The following TSHR variants were observed in gnomAD, a reference collection of about 807,000 sequenced individuals.
The protein encoded by TSHR is thyroid stimulating hormone receptor.
Under a neutral mutation model 64.1 loss-of-function variants are expected in TSHR, and 51 were observed. The ratio of observed to expected loss-of-function variants is 0.80; its 90% CI spans 0.64 to 1.01. The LOEUF (loss-of-function observed/expected upper bound fraction) is 1.01, where lower values mean the gene tolerates loss of function less well. Ranked by LOEUF, TSHR falls within the 50% of genes least tolerant of loss-of-function variation. The pLI is 0.00. For synonymous variants in TSHR, 361 were observed against 361.9 expected (o/e 1.00, Z 0.03); for missense variants, 877 against 942.8 (o/e 0.93, Z 0.91).
intron 3 of TSHR, among the ~76,000 whole-genome samples, chr14:81,076,028 A>G (rs1463196853): frequency 3.3e-5 from 5 of 152,162 alleles, no homozygotes; most frequent in African/African-American, 1.2e-4. Flanking sequence ...CATCATTCTC[A>G]GTAAACTATC....
intron 1 of TSHR, among the ~76,000 whole-genome samples, chr14:80,965,733 C>T (rs996060055): frequency 1.3e-5 from 2 of 152,236 alleles, no homozygotes; most frequent in Admixed American, 6.5e-5. Flanking sequence ...ACCCTACTTA[C>T]TTGGCTTCAT....
At chr14:81,056,067 G>A (rs1042379363) in intron 1 of TSHR, among the ~76,000 whole-genome samples, 3 of 152,076 alleles carry the variant, frequency 2.0e-5, no homozygotes, top group African/African-American at 7.2e-5. Flanking sequence ...CATGGGAGCA[G>A]GTCTTTCCTG....
chr14:80,968,189 C>CT (rs1887414473), intron 1 of TSHR, among the ~76,000 whole-genome samples: 1 of 152,088 alleles, frequency 6.6e-6, no homozygotes, highest in African/African-American at 2.4e-5. Context: ...CTAGTCAGAG[C>CT]TCATACAGAA....
intron 7 of TSHR, chr14:81,105,034 GTC>G: frequency 1.0e-6 from 1 of 985,334 alleles, no homozygotes; most frequent in Non-Finnish European, 1.2e-6. Context: ...AGCCTTTTGA[GTC>G]TCTTTTAAGC....
chr14:81,120,126 A>T (rs8020489), intron 8 of TSHR, among the ~76,000 whole-genome samples: 9,805 of 148,842 alleles, frequency 0.066, 844 homozygotes, highest in East Asian at 0.23. Flanking sequence ...ACATGTATAC[A>T]TATGTAACTA....
At chr14:81,104,918 T>C in intron 7 of TSHR, 1 of 985,402 alleles carries the variant, frequency 1.0e-6, no homozygotes, top group Non-Finnish European at 1.2e-6. Context: ...GCCATGTCTA[T>C]CTTATTTTTA....
At chr14:81,128,299 A>G (rs1192134752) in intron 8 of TSHR, among the ~76,000 whole-genome samples, 1 of 152,194 alleles carries the variant, frequency 6.6e-6, no homozygotes, top group Non-Finnish European at 1.5e-5. Flanking sequence ...ATTCCTATTT[A>G]ACAAATAAGG....
rs1174635270 is a variant in TSHR, at chr14:81,002,781, CTTTTTTTTTTT to C, written c.170+46947_170+46957del. 1.6e-4 allele frequency among the ~76,000 whole-genome samples: 7 copies of C among 44,324 alleles called. No homozygotes were observed. The Admixed American group carries it at 1.8e-3, about 11-fold the overall frequency. 29.1% of individuals were successfully genotyped at this position (44,324 alleles called of 152,430 possible). A position where few individuals can be genotyped will look rare whatever the true frequency, so the allele number is the denominator to read the frequency against. The stretch of plus-strand genomic sequence containing the variant: ...TCTCTCATTAAGGTCCCTAATGCCT[CTTTTTTTTTTT>C]TTTTTTTTTTTTTTTATCTTTTTTT... On this transcript the variant is annotated intron_variant, in intron 1 of 9. Transcript: ENST00000298171.
intron 1 of TSHR, among the ~76,000 whole-genome samples, chr14:80,963,893 A>G (rs1441230780): frequency 6.6e-6 from 1 of 152,206 alleles, no homozygotes; most frequent in Non-Finnish European, 1.5e-5. Flanking sequence ...CTTGAACCCC[A>G]TTACATCTGT....
intron 1 of TSHR, chr14:81,049,764 A>C (rs902828952): frequency 3.9e-5 from 6 of 152,116 alleles, no homozygotes; most frequent in African/African-American, 1.4e-4. Context: ...CCCCCATGCT[A>C]TTCTTGGTAT....
At chr14:81,070,456 G>A (rs1415715869) in intron 3 of TSHR, among the ~76,000 whole-genome samples, 2 of 151,554 alleles carry the variant, frequency 1.3e-5, no homozygotes, top group African/African-American at 4.8e-5. Context: ...GTGAAACCTT[G>A]TCTCTACTAA....
intron 1 of TSHR, among the ~76,000 whole-genome samples, chr14:81,048,179 C>G (rs1454378540): frequency 2.0e-5 from 3 of 152,118 alleles, no homozygotes; most frequent in African/African-American, 7.2e-5. Context: ...ACTCATCACC[C>G]TACTTCCTTC....
chr14:81,020,865 A>G (rs1292643787), intron 1 of TSHR, among the ~76,000 whole-genome samples: 2 of 152,178 alleles, frequency 1.3e-5, no homozygotes. Context: ...AAAGCTCTGA[A>G]AAGCCTGCTT....
At chr14:81,140,266 G>A (rs1189413914) in intron 9 of TSHR, among the ~76,000 whole-genome samples, 2 of 152,126 alleles carry the variant, frequency 1.3e-5, no homozygotes, top group Middle Eastern at 3.2e-3. Flanking sequence ...CAAACAGTTG[G>A]GTTACCTGAT....
At chr14:81,073,406 A>T (rs1230351387) in intron 3 of TSHR, among the ~76,000 whole-genome samples, 1 of 152,156 alleles carries the variant, frequency 6.6e-6, no homozygotes, top group African/African-American at 2.4e-5. Context: ...TATTGTATCC[A>T]ACAACTGCAG....
intron 1 of TSHR, among the ~76,000 whole-genome samples, chr14:81,038,653 A>AT (rs1884772624): frequency 1.3e-5 from 2 of 150,778 alleles, no homozygotes; most frequent in Non-Finnish European, 3.0e-5. Flanking sequence ...AGAAGCCATT[A>AT]TACCTGATAC....
intron 1 of TSHR, among the ~76,000 whole-genome samples, chr14:81,039,329 G>A (rs541608750): frequency 2.8e-4 from 43 of 151,922 alleles, no homozygotes; most frequent in Admixed American, 2.6e-4. Flanking sequence ...AGGTATAGAA[G>A]GAACATACCT....
At chr14:80,983,905 C>T (rs1209258194) in intron 1 of TSHR, among the ~76,000 whole-genome samples, 1 of 152,094 alleles carries the variant, frequency 6.6e-6, no homozygotes, top group East Asian at 1.9e-4. Context: ...AGAAAGCGAA[C>T]GAGTTCGTTG....
chr14:81,061,810 T>G (rs1886264842), intron 1 of TSHR, among the ~76,000 whole-genome samples: 1 of 152,034 alleles, frequency 6.6e-6, no homozygotes, highest in Non-Finnish European at 1.5e-5. Flanking sequence ...AATAATCATG[T>G]TTTTTCAATT....
Sources: allele counts gnomAD v4.1 joint callset (sites outside exome capture counted in the v4.1 genomes callset), GRCh38; gene constraint gnomAD v4.1.1; transcripts MANE v1.5; gene names NCBI Gene and HGNC (gene_info 2026-07-23, HGNC 2026-07-21).